DNM3: variants seen among roughly 807,000 people sequenced by gnomAD.
DNM3 encodes the protein dynamin 3, also known as dynamin-3.
In DNM3, 47 loss-of-function variants were observed where a neutral mutation model predicts 101.6. The observed-to-expected ratio is 0.46, with a 90% CI of 0.37 to 0.59. The LOEUF is 0.59. Ranked by LOEUF, DNM3 falls within the 20% of genes least tolerant of loss-of-function variation. The probability of loss-of-function intolerance (pLI) is 0.00; values close to 1 mark genes in which losing one functional copy is unlikely to be tolerated. For missense variants in DNM3, 849 were observed against 1,085.7 expected (o/e 0.78, Z 3.06); for synonymous variants, 385 against 387.9 (o/e 0.99, Z 0.09).
intron 7 of DNM3, among the ~76,000 whole-genome samples, 180 bp from the exon 8 acceptor site, chr1:172,041,829 T>G (rs2049413198): frequency 1.3e-5 from 2 of 152,196 alleles, no homozygotes; most frequent in African/African-American, 4.8e-5. Context: ...AAAATCTTAA[T>G]GATGTGTATT....
intron 2 of DNM3, among the ~76,000 whole-genome samples, chr1:171,929,889 C>A (rs1186881545): frequency 6.6e-6 from 1 of 152,176 alleles, no homozygotes; most frequent in Non-Finnish European, 1.5e-5. Context: ...CTTTTCCCCC[C>A]AGTTGGCTTG....
intron 14 of DNM3, among the ~76,000 whole-genome samples, chr1:172,143,117 A>G (rs1050156385): frequency 1.3e-4 from 20 of 152,164 alleles, no homozygotes; most frequent in African/African-American, 4.8e-4. Context: ...GGTAATTTTT[A>G]AAGTAAGTTG....
At chr1:172,051,444 A>G (rs1415961126) in intron 10 of DNM3, among the ~76,000 whole-genome samples, 1 of 152,178 alleles carries the variant, frequency 6.6e-6, no homozygotes, top group African/African-American at 2.4e-5. Context: ...AATGCCTAAA[A>G]GCTACTTTTC....
At chr1:172,197,809 G>A (rs1394428061) in intron 14 of DNM3, among the ~76,000 whole-genome samples, 1 of 152,064 alleles carries the variant, frequency 6.6e-6, no homozygotes, top group African/African-American at 2.4e-5. Flanking sequence ...GTGCTTTTGG[G>A]CTGAGACTCT....
At chr1:171,850,413 T>C (rs1162953705) in intron 1 of DNM3, among the ~76,000 whole-genome samples, 2 of 152,188 alleles carry the variant, frequency 1.3e-5, no homozygotes, top group Non-Finnish European at 2.9e-5. Flanking sequence ...TCTTATCTAG[T>C]GGAGGTTTAG....
intron 10 of DNM3, among the ~76,000 whole-genome samples, chr1:172,067,415 C>T (rs2051772174): frequency 6.6e-6 from 1 of 152,162 alleles, no homozygotes; most frequent in Non-Finnish European, 1.5e-5. Context: ...GCTTCAGTAG[C>T]CTAAATTCCT....
intron 13 of DNM3, among the ~76,000 whole-genome samples, chr1:172,097,935 G>A (rs1160183652): frequency 2.0e-5 from 3 of 152,120 alleles, no homozygotes; most frequent in Admixed American, 6.6e-5. Context: ...AAAAGGGAGG[G>A]AGTGTACGAA....
At chr1:172,216,755 GCA>G (rs144275284) in intron 14 of DNM3, among the ~76,000 whole-genome samples, 2,339 of 146,700 alleles carry the variant, frequency 0.016, 46 homozygotes, top group African/African-American at 0.051. Flanking sequence ...ACACACACAT[GCA>G]CACACACACA....
intron 16 of DNM3, among the ~76,000 whole-genome samples, chr1:172,318,713 A>G (rs1305644866): frequency 6.6e-6 from 1 of 152,220 alleles, no homozygotes. Context: ...GAGAACTACA[A>G]ACCACTGCTC....
At position 172,173,490 on chromosome 1, in the gene DNM3, CTT is replaced by C. The variant is rs111367945; in HGVS notation, c.1659+42216_1659+42217del. ...TACAAAACTTAGTCTCAAAAGAGAG[CTT>C]TTTTTTTTTTTTTAAACAAGGTCTT... is the stretch of plus-strand genomic sequence containing the variant. On this transcript the variant is annotated intron_variant, in intron 14 of 20. Transcript: ENST00000627582. Among the ~76,000 whole-genome samples the C allele has an allele frequency of 8.4e-3, 1,198 of 141,856 alleles. 23 individuals are homozygous for C. Among genetic ancestry groups the C allele is most frequent in the African/African-American group, 0.028 (1,095 of 39,378 alleles). 93.1% of individuals were successfully genotyped at this position (141,856 alleles called of 152,430 possible).
chr1:172,161,462 G>C (rs773323538), intron 14 of DNM3, among the ~76,000 whole-genome samples: 1 of 151,906 alleles, frequency 6.6e-6, no homozygotes, highest in African/African-American at 2.4e-5. Flanking sequence ...ACAGAGTGTT[G>C]CTGGAATGGG....
At chr1:172,393,736 T>C (rs1376233977) in intron 20 of DNM3, 1 of 152,672 alleles carries the variant, frequency 6.5e-6, no homozygotes, top group African/African-American at 2.4e-5. Context: ...TACATAAATT[T>C]ATCATTGGGC....
At chr1:172,001,709 C>T (rs2046367556) in intron 4 of DNM3, among the ~76,000 whole-genome samples, 1 of 151,996 alleles carries the variant, frequency 6.6e-6, no homozygotes, top group Admixed American at 6.6e-5. Flanking sequence ...GGAAAGAGGG[C>T]ACCATCTTCT....
At chr1:172,353,609 G>T (rs74124064) in intron 17 of DNM3, among the ~76,000 whole-genome samples, 56 of 152,234 alleles carry the variant, frequency 3.7e-4, no homozygotes, top group African/African-American at 1.3e-3. Flanking sequence ...TTTCCTGATT[G>T]ATTTGTGCTT....
intron 14 of DNM3, among the ~76,000 whole-genome samples, chr1:172,233,478 C>G (rs541828705): frequency 2.6e-5 from 4 of 152,186 alleles, no homozygotes; most frequent in Admixed American, 6.5e-5. Context: ...GGAACTGATA[C>G]CATTCCTTCT....
At chr1:172,035,143 T>C (rs1354128809) in intron 6 of DNM3, among the ~76,000 whole-genome samples, 3 of 151,958 alleles carry the variant, frequency 2.0e-5, no homozygotes, top group Non-Finnish European at 2.9e-5. Context: ...ATTAGAGCTG[T>C]TGGGTAATGG....
chr1:172,398,667 C>A (rs752464575), intron 20 of DNM3, among the ~76,000 whole-genome samples: 1 of 152,172 alleles, frequency 6.6e-6, no homozygotes, highest in African/African-American at 2.4e-5. Flanking sequence ...TACGTACAGC[C>A]TCCATGGTCA....
intron 10 of DNM3, among the ~76,000 whole-genome samples, chr1:172,056,481 C>T (rs186343417): frequency 0.04 from 6,065 of 152,182 alleles, 129 homozygotes; most frequent in Middle Eastern, 0.071. Context: ...TCTTCCAGTA[C>T]GCAGCTGGAG....
At chr1:172,289,426 T>G in intron 15 of DNM3, 1 of 348,028 alleles carries the variant, frequency 2.9e-6, no homozygotes, top group Non-Finnish European at 4.0e-6. Flanking sequence ...CTTAAGATAA[T>G]TTAATCTTTT....
Sources: allele counts gnomAD v4.1 joint callset (sites outside exome capture counted in the v4.1 genomes callset), GRCh38; gene constraint gnomAD v4.1.1; transcripts MANE v1.5; gene names NCBI Gene and HGNC (gene_info 2026-07-23, HGNC 2026-07-21).